FAM227B: variants seen among roughly 807,000 people sequenced by gnomAD.
FAM227B encodes family with sequence similarity 227 member B.
FAM227B carries 88 observed loss-of-function variants against 73.8 expected under a neutral mutation model. The ratio of observed to expected loss-of-function variants is 1.19; its 90% CI spans 1.00 to 1.42. FAM227B has a LOEUF of 1.42. Ranked by LOEUF, FAM227B falls within the 40% of genes most tolerant of loss-of-function variation. The pLI, the probability that FAM227B is intolerant of heterozygous loss-of-function variation, is 0.00. For synonymous variants in FAM227B, 210 were observed against 190.5 expected (o/e 1.10, Z -0.84); for missense variants, 632 against 590.9 (o/e 1.07, Z -0.72).
At chr15:49,447,598 T>G (rs2052344443) in intron 11 of FAM227B, among the ~76,000 whole-genome samples, 1 of 151,718 alleles carries the variant, frequency 6.6e-6, no homozygotes, top group Non-Finnish European at 1.5e-5. Context: ...AGTGGTGTAT[T>G]TGCTTGGGGT....
intron 2 of FAM227B, among the ~76,000 whole-genome samples, chr15:49,614,439 A>G (rs1188461038): frequency 6.6e-6 from 1 of 152,252 alleles, no homozygotes; most frequent in Non-Finnish European, 1.5e-5. Context: ...GAGTTTGAAG[A>G]TAATAACATC....
chr15:49,442,937 C>T (rs1227575875), intron 11 of FAM227B, among the ~76,000 whole-genome samples: 1 of 151,752 alleles, frequency 6.6e-6, no homozygotes, highest in Non-Finnish European at 1.5e-5. Context: ...GAGTCAAAGG[C>T]TGTTGGAAAT....
At chr15:49,452,022 C>T (rs1313437057) in intron 11 of FAM227B, among the ~76,000 whole-genome samples, 1 of 151,788 alleles carries the variant, frequency 6.6e-6, no homozygotes, top group East Asian at 1.9e-4. Flanking sequence ...GACATAGATT[C>T]AAAATTTGAT....
chr15:49,370,277 C>T (rs987298921), intron 12 of FAM227B, among the ~76,000 whole-genome samples: 5 of 152,202 alleles, frequency 3.3e-5, no homozygotes, highest in African/African-American at 1.2e-4. Flanking sequence ...TTAGCAGCAT[C>T]CTCTGAAAAA....
intron 13 of FAM227B, among the ~76,000 whole-genome samples, chr15:49,360,190 GTAAC>G (rs1281681505): frequency 6.6e-6 from 1 of 150,798 alleles, no homozygotes; most frequent in African/African-American, 2.4e-5. Flanking sequence ...GTATACATAT[GTAAC>G]TAACCTGCAC....
chr15:49,500,122 A>G (rs963604809), intron 11 of FAM227B, among the ~76,000 whole-genome samples: 4 of 152,368 alleles, frequency 2.6e-5, no homozygotes, highest in East Asian at 1.9e-4. Context: ...TTCTAAATAC[A>G]TGAATAACTT....
intron 11 of FAM227B, among the ~76,000 whole-genome samples, chr15:49,435,863 G>A (rs1396616054): frequency 2.6e-5 from 4 of 151,410 alleles, no homozygotes; most frequent in Non-Finnish European, 5.9e-5. Context: ...TTTTAATTTA[G>A]TCTGCAAAAT....
chr15:49,345,370 T>C (rs955471490), intron 13 of FAM227B, among the ~76,000 whole-genome samples: 1 of 136,000 alleles, frequency 7.4e-6, no homozygotes, highest in Non-Finnish European at 1.8e-5. Context: ...CTGGGCTGCA[T>C]GATGTTGGTG....
intron 5 of FAM227B, among the ~76,000 whole-genome samples, chr15:49,586,625 T>C (rs1256442941): frequency 6.6e-6 from 1 of 152,084 alleles, no homozygotes; most frequent in Non-Finnish European, 1.5e-5. Flanking sequence ...GGAGAAAATA[T>C]TTGCAAACTA....
chr15:49,431,225 T>C (rs532383365), intron 11 of FAM227B, among the ~76,000 whole-genome samples: 2 of 151,950 alleles, frequency 1.3e-5, no homozygotes, highest in East Asian at 3.9e-4. Flanking sequence ...AAATAGGTTG[T>C]AAATGAAAAT....
chr15:49,588,587 ATATATATATATAT>A (rs1191977458), intron 4 of FAM227B, among the ~76,000 whole-genome samples: 2 of 107,828 alleles, frequency 1.9e-5, no homozygotes, highest in African/African-American at 3.1e-5. Context: ...ATATATATAT[ATATATATATATAT>A]AAAATTACCT....
At chr15:49,351,423 A>G (rs536420308) in intron 13 of FAM227B, among the ~76,000 whole-genome samples, 10 of 152,318 alleles carry the variant, frequency 6.6e-5, no homozygotes, top group African/African-American at 2.4e-4. Flanking sequence ...ATGAGATCTT[A>G]CCATAGGACA....
intron 11 of FAM227B, among the ~76,000 whole-genome samples, chr15:49,414,884 G>A (rs2049108777): frequency 6.6e-6 from 1 of 152,134 alleles, no homozygotes; most frequent in African/African-American, 2.4e-5. Context: ...ATAACGTTTA[G>A]CTTGAAGAGG....
intron 11 of FAM227B, among the ~76,000 whole-genome samples, chr15:49,491,618 G>A (rs189836391): frequency 6.6e-6 from 1 of 151,722 alleles, no homozygotes; most frequent in Non-Finnish European, 1.5e-5. Context: ...CAAGTTTAAT[G>A]AGCTATTCCC....
chr15:49,604,433 A>C (rs962710), intron 3 of FAM227B, among the ~76,000 whole-genome samples: 94,187 of 151,800 alleles, frequency 0.62, 30,733 homozygotes, highest in Non-Finnish European at 0.73. Context: ...TAATCTTATA[A>C]CTGTATATAA....
intron 11 of FAM227B, chr15:49,424,063 G>T: frequency 2.4e-6 from 1 of 417,134 alleles, no homozygotes. Context: ...CACAGCAACT[G>T]AACTTACTAC....
intron 3 of FAM227B, among the ~76,000 whole-genome samples, chr15:49,603,059 A>C (rs755394853): frequency 2.7e-5 from 4 of 150,766 alleles, no homozygotes; most frequent in Non-Finnish European, 3.0e-5. Context: ...TTGTAGTATA[A>C]TTTGAAGTCA....
chr15:49,391,925 GC>G (rs2047235848), intron 11 of FAM227B, among the ~76,000 whole-genome samples: 1 of 152,024 alleles, frequency 6.6e-6, no homozygotes, highest in African/African-American at 2.4e-5. Flanking sequence ...GCAAATAAAT[GC>G]CCTCCTTACT....
At chr15:49,429,701 A>T (rs577716260) in intron 11 of FAM227B, among the ~76,000 whole-genome samples, 4 of 151,988 alleles carry the variant, frequency 2.6e-5, no homozygotes, top group African/African-American at 7.2e-5. Flanking sequence ...CCCACAAAAA[A>T]TTTTTCATTA....
Sources: allele counts gnomAD v4.1 joint callset (sites outside exome capture counted in the v4.1 genomes callset), GRCh38; gene constraint gnomAD v4.1.1; transcripts MANE v1.5; gene names NCBI Gene and HGNC (gene_info 2026-07-23, HGNC 2026-07-21).